The following MALRD1 variants were observed in gnomAD, a reference collection of about 807,000 sequenced individuals.
MALRD1 encodes the protein MAM and LDL receptor class A domain containing 1.
MALRD1 carries 247 observed loss-of-function variants against 242.1 expected under a neutral mutation model. The ratio of observed to expected loss-of-function variants is 1.02; its 90% confidence interval spans 0.92 to 1.13. MALRD1 has a LOEUF of 1.13. MALRD1 is among the 50% of genes most tolerant of loss of function. MALRD1 has a pLI of 0.00. For missense variants in MALRD1, 2,989 were observed against 2,533.1 expected, an observed-to-expected ratio of 1.18 and a Z score of -3.86; for synonymous variants, 995 against 866.6, an observed-to-expected ratio of 1.15 and a Z score of -2.60.
chr10:19,456,779 ATTT>A (rs1564358937), intron 29 of MALRD1, among the ~76,000 whole-genome samples: 2 of 149,506 alleles, frequency 1.3e-5, no homozygotes, highest in African/African-American at 5.0e-5. Flanking sequence ...TTATTTATTT[ATTT>A]ATTTATTTTG....
chr10:19,087,968 G>A (rs574203552), intron 3 of MALRD1, 34 bp downstream of exon 3: 2 of 1,231,874 alleles, frequency 1.6e-6, no homozygotes, highest in Non-Finnish European at 2.0e-6. Flanking sequence ...TAAATATTTT[G>A]TCACATTTGG....
At chr10:19,196,034 C>T (rs1177174122) in intron 14 of MALRD1, among the ~76,000 whole-genome samples, 3 of 152,188 alleles carry the variant, frequency 2.0e-5, no homozygotes, top group Non-Finnish European at 4.4e-5. Flanking sequence ...TCCAGCACCA[C>T]TTCTACCCAC....
At chr10:19,470,124 A>C (rs1295923139) in intron 29 of MALRD1, among the ~76,000 whole-genome samples, 1 of 151,882 alleles carries the variant, frequency 6.6e-6, no homozygotes, top group Non-Finnish European at 1.5e-5. Flanking sequence ...CTTCCACCAG[A>C]CTCTGGCAAT....
At chr10:19,622,845 A>G (rs1262595058) in intron 36 of MALRD1, among the ~76,000 whole-genome samples, 1 of 151,988 alleles carries the variant, frequency 6.6e-6, no homozygotes, top group East Asian at 1.9e-4. Flanking sequence ...AAGTTAAAAA[A>G]TGTATCCAAG....
intron 29 of MALRD1, among the ~76,000 whole-genome samples, chr10:19,453,169 A>G (rs1835422248): frequency 6.6e-6 from 1 of 152,182 alleles, no homozygotes; most frequent in Non-Finnish European, 1.5e-5. Flanking sequence ...CCAGGTCACC[A>G]CACAATTTAT....
chr10:19,598,415 C>G (rs984630640), intron 34 of MALRD1: 1 of 151,678 alleles, frequency 6.6e-6, no homozygotes, highest in South Asian at 2.1e-4. Flanking sequence ...TGATTATGTC[C>G]TTCTCTTCCT....
chr10:19,275,404 C>T (rs530591912), intron 19 of MALRD1, among the ~76,000 whole-genome samples: 12 of 152,152 alleles, frequency 7.9e-5, no homozygotes, highest in South Asian at 2.1e-4. Flanking sequence ...TGCGGTGGCT[C>T]ACGCCTGTAA....
chr10:19,622,943 C>G (rs1015037437), intron 36 of MALRD1, among the ~76,000 whole-genome samples: 12 of 152,044 alleles, frequency 7.9e-5, no homozygotes, highest in African/African-American at 2.9e-4. Context: ...ATTGGGGCAA[C>G]TAGTAAGTAT....
At chr10:19,247,445 A>G (rs1839109793) in intron 18 of MALRD1, among the ~76,000 whole-genome samples, 1 of 152,016 alleles carries the variant, frequency 6.6e-6, no homozygotes, top group Non-Finnish European at 1.5e-5. Flanking sequence ...TTTCTAGAGT[A>G]AAACAGACCT....
chr10:19,158,132 AT>A (rs1834244971), intron 12 of MALRD1, among the ~76,000 whole-genome samples: 1 of 152,250 alleles, frequency 6.6e-6, no homozygotes, highest in Admixed American at 6.5e-5. Context: ...ACTGTTTACA[AT>A]TAACTAGGAA....
At chr10:19,723,071 G>A (rs1159307555) in intron 38 of MALRD1, among the ~76,000 whole-genome samples, 10 of 152,218 alleles carry the variant, frequency 6.6e-5, no homozygotes, top group Non-Finnish European at 2.9e-5. Context: ...TACCACATTG[G>A]AGAGCATCAA....
intron 19 of MALRD1, 111 bp downstream of exon 19, chr10:19,257,882 A>G (rs1476234276): frequency 1.5e-6 from 1 of 686,922 alleles, no homozygotes; most frequent in South Asian, 2.9e-5. Context: ...CCTTGCTTTT[A>G]TTCTTTTTCT....
Position 19,048,974 on chromosome 10 carries a change from C to T in MALRD1, c.36C>T (p.Pro12=), listed in dbSNP as rs1365095385. 4.9e-6 allele frequency: 6 copies of T among 1,233,776 alleles called. No individual in the cohort carries two copies. Among genetic ancestry groups the T allele is most frequent in the African/African-American group, 1.6e-5 (1 of 64,490 alleles). 76.4% of individuals were successfully genotyped at this position (1,233,776 alleles called of 1,614,324 possible). ...TCCTGGACAGAATGTTGGCATTCCC[C>T]ATGAATGAAACTTTTTGTTGCCTTT... is the stretch of plus-strand genomic sequence containing the variant. ...LFFLDRMLAF[P]MNETFCCLWI... Residue 12 remains proline, a synonymous_variant, in exon 1 of 40, where the codon CCC becomes CCT. Transcript: ENST00000454679.
At chr10:19,620,475 A>G (rs1259643206) in intron 36 of MALRD1, among the ~76,000 whole-genome samples, 1 of 152,064 alleles carries the variant, frequency 6.6e-6, no homozygotes, top group Non-Finnish European at 1.5e-5. Flanking sequence ...TTGTAATTAC[A>G]TTTTCGATGT....
At chr10:19,245,635 C>A (rs1839011834) in intron 18 of MALRD1, among the ~76,000 whole-genome samples, 1 of 152,108 alleles carries the variant, frequency 6.6e-6, no homozygotes, top group South Asian at 2.1e-4. Context: ...CTTTTTAACA[C>A]AGAACTTAGA....
intron 11 of MALRD1, among the ~76,000 whole-genome samples, chr10:19,147,446 T>C (rs111804856): frequency 0.021 from 3,178 of 152,332 alleles, 48 homozygotes; most frequent in Middle Eastern, 0.044. Flanking sequence ...CCATGACTCA[T>C]TTCTTTAACA....
chr10:19,552,379 C>G (rs547046754), intron 32 of MALRD1, among the ~76,000 whole-genome samples: 59 of 152,184 alleles, frequency 3.9e-4, no homozygotes, highest in African/African-American at 1.4e-3. Context: ...ATAATATTCT[C>G]TGATGGTTGT....
intron 26 of MALRD1, among the ~76,000 whole-genome samples, chr10:19,366,643 C>T (rs2130727434): frequency 6.6e-6 from 1 of 152,210 alleles, no homozygotes; most frequent in East Asian, 1.9e-4. Flanking sequence ...TATTGTATGA[C>T]TATTTCATAA....
At chr10:19,338,042 C>T (rs1260032333) in intron 24 of MALRD1, among the ~76,000 whole-genome samples, 1 of 143,406 alleles carries the variant, frequency 7.0e-6, no homozygotes, top group Non-Finnish European at 1.5e-5. Context: ...AGCCTGGTGA[C>T]AGAGCAAGAT....
Sources: gnomAD v4.1 joint callset for allele counts (sites outside exome capture counted in the v4.1 genomes callset) on GRCh38, gnomAD v4.1.1 for gene constraint, MANE v1.5 for transcripts, NCBI Gene and HGNC (gene_info 2026-07-23, HGNC 2026-07-21) for gene names.